NDST1: variants seen among roughly 807,000 people sequenced by gnomAD.
NDST1 encodes the protein N-deacetylase and N-sulfotransferase 1.
A neutral mutation model predicts 92.8 loss-of-function variants in NDST1; 35 were observed. The observed-to-expected ratio is 0.38, with a 90% CI of 0.29 to 0.50. The LOEUF (loss-of-function observed/expected upper bound fraction) is 0.50, where lower values mean the gene tolerates loss of function less well. NDST1 is among the 20% of genes least tolerant of loss of function. NDST1 has a pLI of 0.94. For synonymous variants in NDST1, 493 were observed against 500.3 expected (o/e 0.99, Z 0.19); for missense variants, 822 against 1,182.7 (o/e 0.69, Z 4.47).
chr5:150,549,523 T>C (rs1755632107), intron 12 of NDST1, among the ~76,000 whole-genome samples, 155 bp from the exon 13 acceptor site: 2 of 152,192 alleles, frequency 1.3e-5, no homozygotes, highest in Admixed American at 6.5e-5. Flanking sequence ...AGGCCTGAGC[T>C]TGGGGATACC....
intron 1 of NDST1, among the ~76,000 whole-genome samples, chr5:150,520,399 A>T (rs1473208027): frequency 6.6e-6 from 1 of 152,044 alleles, no homozygotes; most frequent in South Asian, 2.1e-4. Flanking sequence ...TCATTCAAAG[A>T]GAGCAACGGG....
intron 5 of NDST1, chr5:150,535,228 C>T: frequency 1.1e-6 from 1 of 879,784 alleles, no homozygotes; most frequent in African/African-American, 1.8e-5. Context: ...GAAACCAAGG[C>T]TCAGGGAGGT....
intron 1 of NDST1, among the ~76,000 whole-genome samples, chr5:150,517,409 G>A (rs755641493): frequency 4.3e-4 from 65 of 152,126 alleles, no homozygotes; most frequent in Non-Finnish European, 7.4e-4. Flanking sequence ...CAGGGTCAGG[G>A]GACTGCAGGT....
chr5:150,513,708 G>T (rs1486354128), intron 1 of NDST1, among the ~76,000 whole-genome samples: 7 of 152,202 alleles, frequency 4.6e-5, no homozygotes, highest in African/African-American at 9.6e-5. Context: ...GGAGCTCTTG[G>T]TCTCATTCCT....
intron 1 of NDST1, among the ~76,000 whole-genome samples, chr5:150,509,808 C>T (rs1029948356): frequency 6.6e-6 from 1 of 152,226 alleles, no homozygotes. Flanking sequence ...TGCCCCGAGC[C>T]GCCATCCCCC....
intron 10 of NDST1, among the ~76,000 whole-genome samples, chr5:150,544,178 A>G (rs543971460): frequency 7.2e-5 from 11 of 152,356 alleles, no homozygotes; most frequent in Admixed American, 2.0e-4. Context: ...TAGAAAGGTA[A>G]TGTGGTGCGA....
rs1561593599 is a variant in NDST1 at position 150,520,884 on chromosome 5, C to T, written c.-371C>T. ...TCTCCACAGCCTTAGCCCCGTGGGC[C>T]CCACGGAGTGAGCGGCATGCAGCAC... is the stretch of plus-strand genomic sequence containing the variant. On this transcript the variant is annotated 5_prime_UTR_variant, in exon 2 of 15. Transcript: ENST00000261797. 2.1e-6 allele frequency: 1 copy of T among 480,086 alleles called. No individual in the cohort carries two copies. Among genetic ancestry groups the T allele is most frequent in the East Asian group, 3.1e-5 (1 of 32,324 alleles). The allele number at this position is 480,086 out of a possible 1,614,324, so 29.7% of individuals were successfully genotyped here. A position where few individuals can be genotyped will look rare whatever the true frequency, so the allele number is the denominator to read the frequency against.
intron 10 of NDST1, among the ~76,000 whole-genome samples, chr5:150,544,430 A>G (rs145569477): frequency 1.3e-4 from 20 of 152,360 alleles, no homozygotes; most frequent in African/African-American, 4.8e-4. Flanking sequence ...GAAAGATGAG[A>G]GAAGACGTAA....
intron 7 of NDST1, 50 bp downstream of exon 7, chr5:150,539,406 G>A: frequency 6.2e-7 from 1 of 1,612,532 alleles, no homozygotes; most frequent in Non-Finnish European, 8.5e-7. Context: ...CTGCTGCACA[G>A]CCTGTCTGCA....
chr5:150,539,015 A>C (rs1393097052), intron 6 of NDST1, among the ~76,000 whole-genome samples: 1 of 152,214 alleles, frequency 6.6e-6, no homozygotes, highest in East Asian at 1.9e-4. Flanking sequence ...CATTTTGTGC[A>C]GAGAATAGCA....
At chr5:150,520,133 T>C (rs547971336) in intron 1 of NDST1, among the ~76,000 whole-genome samples, 2 of 152,178 alleles carry the variant, frequency 1.3e-5, no homozygotes, top group Non-Finnish European at 2.9e-5. Flanking sequence ...ACAGCTGCCA[T>C]GTTTCTTGTG....
At chr5:150,498,408 A>G (rs1411903798) in intron 1 of NDST1, among the ~76,000 whole-genome samples, 3 of 152,226 alleles carry the variant, frequency 2.0e-5, no homozygotes, top group Non-Finnish European at 2.9e-5. Context: ...TAGCTCTGCT[A>G]TGAATTTGCT....
chr5:150,500,050 A>G (rs775327720), intron 1 of NDST1, among the ~76,000 whole-genome samples: 1 of 152,184 alleles, frequency 6.6e-6, no homozygotes, highest in Non-Finnish European at 1.5e-5. Flanking sequence ...CCCTTGTCCA[A>G]CTGTCTGTCC....
chr5:150,528,282 A>G lies in NDST1; in HGVS notation c.992A>G (p.Lys331Arg). Residue 331 changes from lysine (K) to arginine (R), a missense_variant, in exon 3 of 15, where the codon AAG (lysine) becomes AGG (arginine). By Grantham distance (26) the Lys-to-Arg change is conservative. Coordinates refer to ENST00000261797, the MANE Select transcript of NDST1 (RefSeq NM_001543.5). Reference sequence around the variant, plus strand: ...GTGGGCAAGGAGGGCACACGCATGAAGGTGGAGGACGTGAAGGTATGGCCG... The same window carrying G: ...GTGGGCAAGGAGGGCACACGCATGAGGGTGGAGGACGTGAAGGTATGGCCG... ...IFVGKEGTRM[K>R]VEDVKALFDT... The G allele has an allele frequency of 6.2e-7, 1 of 1,600,590 alleles. No homozygotes were observed. The highest frequency in any genetic ancestry group is 1.1e-5 in the South Asian group (1 of 90,152).
chr5:150,522,463 C>T (rs1754282824), intron 2 of NDST1, among the ~76,000 whole-genome samples: 1 of 149,628 alleles, frequency 6.7e-6, no homozygotes, highest in Non-Finnish European at 1.5e-5. Context: ...GAATGGTGGG[C>T]GGGGGATCCA....
chr5:150,529,390 C>CAAAA lies in NDST1; in HGVS notation c.1008+1112_1008+1115dup, dbSNP rs11418788. Among the ~76,000 whole-genome samples the CAAAA allele has an allele frequency of 7.7e-5, 5 of 65,140 alleles. 1 individual carries two copies. The highest frequency in any genetic ancestry group is 5.9e-4 in the Admixed American group (3 of 5,066). The allele number at this position is 65,140 out of a possible 152,430, so 42.7% of individuals were successfully genotyped here. A position where few individuals can be genotyped will look rare whatever the true frequency, so the allele number is the denominator to read the frequency against. The stretch of plus-strand genomic sequence containing the variant: ...TGGGCCACAGAGCAAGACCCTGTCT[C>CAAAA]AAAAAAAAAAAAAAAAAAAAAAAGT... On this transcript the variant is annotated intron_variant, in intron 3 of 14. Coordinates refer to ENST00000261797, the MANE Select transcript of NDST1 (RefSeq NM_001543.5).
intron 3 of NDST1, among the ~76,000 whole-genome samples, chr5:150,529,186 G>A (rs1267381525): frequency 6.6e-6 from 1 of 152,024 alleles, no homozygotes; most frequent in Non-Finnish European, 1.5e-5. Context: ...GAGCCCAGGA[G>A]TTTGAGACCA....
At chr5:150,538,608 G>A (rs1209475787) in intron 6 of NDST1, among the ~76,000 whole-genome samples, 1 of 152,190 alleles carries the variant, frequency 6.6e-6, no homozygotes, top group Non-Finnish European at 1.5e-5. Context: ...CTGGAAGGAT[G>A]AGTTGTCATC....
intron 2 of NDST1, among the ~76,000 whole-genome samples, chr5:150,525,216 G>A (rs761447966): frequency 6.6e-6 from 1 of 152,214 alleles, no homozygotes; most frequent in Non-Finnish European, 1.5e-5. Flanking sequence ...CGGTGCTGAG[G>A]CCCTCTATTC....
Sources: allele counts gnomAD v4.1 joint callset (sites outside exome capture counted in the v4.1 genomes callset), GRCh38; gene constraint gnomAD v4.1.1; transcripts MANE v1.5; gene names NCBI Gene and HGNC (gene_info 2026-07-23, HGNC 2026-07-21).